COL4A1: variants seen among roughly 807,000 people sequenced by gnomAD.
The protein encoded by COL4A1 is collagen alpha-1(IV) chain.
A neutral mutation model predicts 216.6 loss-of-function variants in COL4A1; 40 were observed. The observed-to-expected ratio is 0.18, with a 90% confidence interval of 0.14 to 0.24. The LOEUF is 0.24. COL4A1 is among the 10% of genes least tolerant of loss of function. COL4A1 has a pLI of 1.00. For missense variants in COL4A1, 1,628 were observed against 2,196.8 expected (o/e 0.74, Z 5.18); for synonymous variants, 839 against 810.7 (o/e 1.03, Z -0.59).
chr13:110,224,333 A>G (rs909387656), intron 2 of COL4A1, among the ~76,000 whole-genome samples: 3 of 152,134 alleles, frequency 2.0e-5, no homozygotes, highest in African/African-American at 7.2e-5. Context: ...AAAAATATAT[A>G]TGTTTTTGAG....
chr13:110,178,651 C>A (rs1015483652), intron 31 of COL4A1, among the ~76,000 whole-genome samples: 1 of 152,098 alleles, frequency 6.6e-6, no homozygotes, highest in Non-Finnish European at 1.5e-5. Flanking sequence ...AATATAGAGA[C>A]ATCAGTTAGA....
At chr13:110,205,565 T>G in intron 15 of COL4A1, 27 bp from the exon 16 acceptor site, 6 of 1,612,478 alleles carry the variant, frequency 3.7e-6, no homozygotes, top group Non-Finnish European at 5.1e-6. Flanking sequence ...TAAACGTTAG[T>G]ATTTAATAAA....
At chr13:110,227,503 C>T (rs930340071) in intron 2 of COL4A1, among the ~76,000 whole-genome samples, 1 of 151,452 alleles carries the variant, frequency 6.6e-6, no homozygotes, top group Non-Finnish European at 1.5e-5. Context: ...GAGAGAGAAG[C>T]TTCACTAAGA....
Position 110,181,076 on chromosome 13 carries a change from A to C in COL4A1, c.2193+216T>G, listed in dbSNP as rs1373948550. ...TCTGTCATAAAATTTCATAAAATTG[A>C]AACAAATGTTTCATAAAATCAAAAC... On this transcript the variant is annotated intron_variant, in intron 29 of 51. Coordinates refer to ENST00000375820, the MANE Select transcript of COL4A1 (RefSeq NM_001845.6). 2.0e-5 allele frequency among the ~76,000 whole-genome samples: 3 copies of C among 152,266 alleles called. No homozygotes were observed. The East Asian group carries it at 5.8e-4, about 29-fold the overall frequency.
At chr13:110,235,465 A>AT (rs1491312378) in intron 2 of COL4A1, among the ~76,000 whole-genome samples, 1 of 152,122 alleles carries the variant, frequency 6.6e-6, no homozygotes, top group South Asian at 2.1e-4. Context: ...CCTGGCTAAC[A>AT]GGGTGAAACC....
At chr13:110,184,817 T>G (rs577746251) in intron 26 of COL4A1, among the ~76,000 whole-genome samples, 1 of 152,236 alleles carries the variant, frequency 6.6e-6, no homozygotes, top group South Asian at 2.1e-4. Context: ...TTCAAGCAAT[T>G]CTCCTGCCTC....
chr13:110,226,929 C>T (rs1594601308), intron 2 of COL4A1, among the ~76,000 whole-genome samples: 1 of 152,182 alleles, frequency 6.6e-6, no homozygotes, highest in Admixed American at 6.5e-5. Flanking sequence ...ATAGCTACTT[C>T]ATAAATACTT....
Position 110,268,186 on chromosome 13 carries a change from C to T in COL4A1, c.85-25452G>A, listed in dbSNP as rs1171060235. Among the ~76,000 whole-genome samples, 2 of 152,224 alleles carry T rather than the reference C, an allele frequency of 1.3e-5. No homozygotes were observed. Among genetic ancestry groups the T allele is most frequent in the African/African-American group, 4.8e-5 (2 of 41,462 alleles). On this transcript the variant is annotated intron_variant, in intron 1 of 51. Transcript: ENST00000375820. The surrounding 1 kb of genome is among the most constrained non-coding windows in gnomAD (Gnocchi z 4.1). Reference sequence around the variant, plus strand: ...TATAAAGACAAGGGGCCAGGTTCAGCAGGGCCGATGCCAACTGTGTCCTGC... The same window carrying T: ...TATAAAGACAAGGGGCCAGGTTCAGTAGGGCCGATGCCAACTGTGTCCTGC...
intron 1 of COL4A1, among the ~76,000 whole-genome samples, chr13:110,253,222 T>G (rs1010977312): frequency 2.3e-5 from 3 of 132,476 alleles, no homozygotes; most frequent in Non-Finnish European, 4.7e-5. Context: ...ATGTATGTAT[T>G]ATATATACAT....
intron 1 of COL4A1, among the ~76,000 whole-genome samples, chr13:110,304,532 T>C (rs564634343): frequency 3.4e-4 from 51 of 151,996 alleles, no homozygotes; most frequent in African/African-American, 1.2e-3. Context: ...TGACTAAGAG[T>C]AGAGGGTGCT....
chr13:110,253,774 A>G (rs1882374216), intron 1 of COL4A1, among the ~76,000 whole-genome samples: 1 of 127,988 alleles, frequency 7.8e-6, no homozygotes, highest in African/African-American at 2.7e-5. Flanking sequence ...GTATGTATGT[A>G]TTATATATAC....
At chr13:110,220,588 C>G (rs1254602111) in intron 2 of COL4A1, among the ~76,000 whole-genome samples, 1 of 152,150 alleles carries the variant, frequency 6.6e-6, no homozygotes, top group Non-Finnish European at 1.5e-5. Context: ...GAGAGCTGTT[C>G]TATTTCTAGG....
intron 4 of COL4A1, among the ~76,000 whole-genome samples, chr13:110,213,386 G>C (rs908916344): frequency 3.3e-5 from 5 of 152,176 alleles, no homozygotes; most frequent in Admixed American, 6.5e-5. Context: ...GTGGAGAGGA[G>C]GAAGAGCAAG....
chr13:110,285,559 C>A (rs1305057544), intron 1 of COL4A1, among the ~76,000 whole-genome samples: 1 of 152,204 alleles, frequency 6.6e-6, no homozygotes, highest in Non-Finnish European at 1.5e-5. Flanking sequence ...AACGGTATTT[C>A]TGGGTGGGTC....
intron 2 of COL4A1, among the ~76,000 whole-genome samples, chr13:110,235,202 T>C (rs1226141008): frequency 6.6e-6 from 1 of 152,212 alleles, no homozygotes; most frequent in African/African-American, 2.4e-5. Context: ...AATGAACTTA[T>C]CCAAAGTTTC....
intron 1 of COL4A1, among the ~76,000 whole-genome samples, chr13:110,243,648 T>A (rs7999790): frequency 0.013 from 1,935 of 152,194 alleles, 55 homozygotes; most frequent in African/African-American, 0.044. Flanking sequence ...AAAAATTAAC[T>A]TTTAAAATGG....
At position 110,258,656 on chromosome 13, in the gene COL4A1, C is replaced by A. The variant is rs9301440; in HGVS notation, c.85-15922G>T. ...TTAAAAAATAGTCAATCTGAAATTG[C>A]CAGGTGATATAAATGATAATTTAAT... On this transcript the variant is annotated intron_variant, in intron 1 of 51. Transcript: ENST00000375820. Among the ~76,000 whole-genome samples, 445 of 152,182 alleles carry A rather than the reference C, an allele frequency of 2.9e-3. 3 individuals are homozygous for A. The highest frequency in any genetic ancestry group is 1.0e-2 in the African/African-American group (414 of 41,522).
chr13:110,288,959 A>G (rs908241022), intron 1 of COL4A1, among the ~76,000 whole-genome samples: 1 of 151,976 alleles, frequency 6.6e-6, no homozygotes, highest in Non-Finnish European at 1.5e-5. Context: ...TTGAACTGGG[A>G]CCCAGGAGGC....
intron 49 of COL4A1, among the ~76,000 whole-genome samples, chr13:110,156,365 G>A (rs1013887809): frequency 3.9e-5 from 6 of 152,248 alleles, no homozygotes; most frequent in African/African-American, 1.4e-4. Flanking sequence ...AATGCACTTA[G>A]TGAGTTGAGT....
Sources: gnomAD v4.1 joint callset for allele counts (sites outside exome capture counted in the v4.1 genomes callset) on GRCh38, gnomAD v4.1.1 for gene constraint, Gnocchi (gnomAD v3.1) non-coding constraint, MANE v1.5 for transcripts, NCBI Gene and HGNC (gene_info 2026-07-23, HGNC 2026-07-21) for gene names.